Variants in MAP3K7 observed in about 807,000 individuals in gnomAD.
MAP3K7 encodes the protein mitogen-activated protein kinase kinase kinase 7.
In MAP3K7, 21 loss-of-function variants were observed where a neutral mutation model predicts 84.8. That is an observed-to-expected ratio of 0.25 (90% CI 0.18 to 0.36). The LOEUF is 0.36. MAP3K7 is among the 10% of genes least tolerant of loss of function. MAP3K7 has a pLI of 1.00. For missense variants in MAP3K7, 503 were observed against 747.7 expected (o/e 0.67, Z 3.82); for synonymous variants, 241 against 247.7 (o/e 0.97, Z 0.25).
At chr6:90,565,211 A>G (rs1418564545) in intron 3 of MAP3K7, among the ~76,000 whole-genome samples, 2 of 152,184 alleles carry the variant, frequency 1.3e-5, no homozygotes, top group Non-Finnish European at 2.9e-5. Flanking sequence ...CTAAGATCGG[A>G]GCAGAACTGA....
intron 12 of MAP3K7, 90 bp from the exon 13 acceptor site, chr6:90,536,491 T>TAATCATAC: frequency 1.1e-6 from 1 of 883,738 alleles, no homozygotes; most frequent in Non-Finnish European, 1.7e-6. Flanking sequence ...TGGAATTTGT[T>TAATCATAC]GCTCCTTGGA....
chr6:90,543,343 C>T (rs543389346), intron 12 of MAP3K7, among the ~76,000 whole-genome samples: 11 of 152,146 alleles, frequency 7.2e-5, no homozygotes, highest in African/African-American at 2.6e-4. Flanking sequence ...TAGTTTTATA[C>T]AGACAAAATG....
At chr6:90,543,380 T>A (rs1044179025) in intron 12 of MAP3K7, among the ~76,000 whole-genome samples, 1 of 152,084 alleles carries the variant, frequency 6.6e-6, no homozygotes, top group Non-Finnish European at 1.5e-5. Context: ...TAATTCATAT[T>A]TTTGTATGCT....
chr6:90,558,529 G>A (rs1776408361), intron 5 of MAP3K7, among the ~76,000 whole-genome samples: 1 of 152,086 alleles, frequency 6.6e-6, no homozygotes, highest in African/African-American at 2.4e-5. Context: ...TCCAATCATG[G>A]AGAGGCCTGG....
At chr6:90,542,307 A>G in intron 12 of MAP3K7, 2 of 983,582 alleles carry the variant, frequency 2.0e-6, no homozygotes, top group Non-Finnish European at 2.4e-6. Context: ...TACAGCTTGT[A>G]TTCTTCTATT....
chr6:90,575,964 GA>G (rs1216517671), intron 1 of MAP3K7, among the ~76,000 whole-genome samples: 1 of 152,146 alleles, frequency 6.6e-6, no homozygotes, highest in African/African-American at 2.4e-5. Context: ...TATGTGAAGG[GA>G]GGGGAGGAGA....
chr6:90,581,024 T>A (rs2127785456), intron 1 of MAP3K7, among the ~76,000 whole-genome samples: 1 of 152,314 alleles, frequency 6.6e-6, no homozygotes, highest in East Asian at 1.9e-4. Flanking sequence ...TGAGATGGTA[T>A]ATAGAACATT....
chr6:90,582,880 C>CTT (rs535938524), intron 1 of MAP3K7, among the ~76,000 whole-genome samples: 85 of 129,100 alleles, frequency 6.6e-4, no homozygotes, highest in African/African-American at 1.1e-3. Context: ...CTTCTATCAT[C>CTT]TTTTTTTTTT....
chr6:90,532,360 T>C (rs1315713086), intron 13 of MAP3K7, among the ~76,000 whole-genome samples: 1 of 152,198 alleles, frequency 6.6e-6, no homozygotes, highest in African/African-American at 2.4e-5. Context: ...GAGGCTGGCA[T>C]ACAACATGGA....
Position 90,550,557 on chromosome 6 carries a change from T to TA in MAP3K7, c.868-9dup. On this transcript the variant is annotated splice_polypyrimidine_tract_variant and intron_variant, in intron 8 of 16. Coordinates refer to ENST00000369329, the MANE Select transcript of MAP3K7 (RefSeq NM_145331.3). Reference sequence around the variant, plus strand: ...ATCTGCTCCTGGAAAGTACTATATATAAAAAAGTAAACCACAGCTTAAAAT... The same window carrying TA: ...ATCTGCTCCTGGAAAGTACTATATATAAAAAAAGTAAACCACAGCTTAAAAT... 6.4e-7 allele frequency: 1 copy of TA among 1,554,898 alleles called. No individual in the cohort carries two copies. Among genetic ancestry groups the TA allele is most frequent in the Non-Finnish European group, 8.8e-7 (1 of 1,134,096 alleles).
intron 1 of MAP3K7, among the ~76,000 whole-genome samples, chr6:90,585,618 C>CTTTTTTTTTTTTTTTTTTTTTTTTT (rs1562116546): frequency 1.2e-4 from 18 of 150,450 alleles, no homozygotes; most frequent in African/African-American, 4.0e-4. Context: ...GCAGTTTTTA[C>CTTTTTTTTTTTTTTTTTTTTTTTTT]TTTTCTAAAT....
chr6:90,538,535 T>A (rs2127966257), intron 12 of MAP3K7, among the ~76,000 whole-genome samples: 1 of 152,064 alleles, frequency 6.6e-6, no homozygotes, highest in Non-Finnish European at 1.5e-5. Flanking sequence ...GAGTATTTCA[T>A]TCTGTAATGA....
intron 3 of MAP3K7, among the ~76,000 whole-genome samples, chr6:90,565,200 A>G (rs1776660604): frequency 6.6e-6 from 1 of 152,208 alleles, no homozygotes; most frequent in Non-Finnish European, 1.5e-5. Context: ...GCAAGAAATA[A>G]CTAAGATCGG....
At chr6:90,564,446 A>C (rs1776630486) in intron 3 of MAP3K7, among the ~76,000 whole-genome samples, 1 of 152,128 alleles carries the variant, frequency 6.6e-6, no homozygotes, top group Admixed American at 6.5e-5. Context: ...CAGACTTTAA[A>C]CCAACAAAGA....
Position 90,548,111 on chromosome 6 carries a change from G to A in MAP3K7, c.1016C>T (p.Pro339Leu). Residue 339 changes from proline (P) to leucine (L), a missense_variant, in exon 10 of 17, where the codon CCT (proline) becomes CTT (leucine). Around this residue, in one of 5 missense-constraint regions of MAP3K7, gnomAD observed 286 missense variants for 313.6 expected, o/e 0.91. Transcript: ENST00000369329. ...GCGCTTAATAGTATCATTTGTGGCA[G>A]GAACTTGCTCCATATTAGTGTCACT... is the stretch of plus-strand genomic sequence containing the variant. ...NKSDTNMEQV[P>L]ATNDTIKRLE... 6.2e-7 allele frequency: 1 copy of A among 1,612,118 alleles called. No individual in the cohort carries two copies. Among genetic ancestry groups the A allele is most frequent in the Non-Finnish European group, 8.5e-7 (1 of 1,178,902 alleles).
At chr6:90,572,928 A>C (rs1475786030) in intron 1 of MAP3K7, among the ~76,000 whole-genome samples, 2 of 152,188 alleles carry the variant, frequency 1.3e-5, no homozygotes, top group African/African-American at 2.4e-5. Context: ...CACCTACTCC[A>C]ATCTCTCAGC....
rs1775070317 is a variant in MAP3K7 at position 90,519,264 on chromosome 6, T to C, written c.1518A>G (p.Gln506=). 4 of 1,589,936 alleles carry C rather than the reference T, an allele frequency of 2.5e-6. No individual in the cohort carries two copies. Among genetic ancestry groups the C allele is most frequent in the Non-Finnish European group, 3.4e-6 (4 of 1,167,962 alleles). Residue 506 remains glutamine (Q), a synonymous_variant, in exon 15 of 17, where the codon CAA becomes CAG. Transcript: ENST00000369329. ...TAAGAAAGTACTCCTTTACCTGTAG[T>C]TGGTGATCCAGTGTAAGATAAGCCA... ...IPMAYLTLDH[Q]LQPLAPCPNS...
intron 14 of MAP3K7, among the ~76,000 whole-genome samples, chr6:90,521,650 T>C (rs1775155148): frequency 6.6e-6 from 1 of 152,104 alleles, no homozygotes; most frequent in Non-Finnish European, 1.5e-5. Flanking sequence ...GAATGGGCCA[T>C]GTCTTACACT....
chr6:90,548,762 C>T (rs1367434562), intron 9 of MAP3K7, among the ~76,000 whole-genome samples: 8 of 147,752 alleles, frequency 5.4e-5, no homozygotes, highest in African/African-American at 7.5e-5. Context: ...TGAGAACAGA[C>T]GGCCAGAGAT....
Sources: allele counts gnomAD v4.1 joint callset (sites outside exome capture counted in the v4.1 genomes callset), GRCh38; gene constraint gnomAD v4.1.1; regional missense constraint gnomAD v4.1.1; transcripts MANE v1.5; gene names NCBI Gene and HGNC (gene_info 2026-07-23, HGNC 2026-07-21).